Variants in SLC35F4 observed in about 807,000 individuals in gnomAD.
SLC35F4 encodes the protein chromosome 14 open reading frame 36.
SLC35F4 carries 24 observed loss-of-function variants against 44.2 expected under a neutral mutation model. That is an observed-to-expected ratio of 0.54 (90% CI 0.39 to 0.76). The LOEUF is 0.76. SLC35F4 is among the 30% of genes least tolerant of loss of function. SLC35F4 has a pLI of 0.00. For synonymous variants in SLC35F4, 238 were observed against 223.6 expected, an observed-to-expected ratio of 1.06 and a Z score of -0.57; for missense variants, 562 against 586.1, an observed-to-expected ratio of 0.96 and a Z score of 0.42.
In SLC35F4 at chr14:57,589,203, A is replaced by T. The variant is rs769237171; in HGVS notation, c.587+13T>A. Reference sequence around the variant, plus strand: ...TCAATGATCTCTTATTGGGCAGTTAACATGAAACCTACCTGAATTTTTTCA... The same window carrying T: ...TCAATGATCTCTTATTGGGCAGTTATCATGAAACCTACCTGAATTTTTTCA... On this transcript the variant is annotated intron_variant, in intron 3 of 7. Transcript: ENST00000556826. The T allele has an allele frequency of 6.3e-7, 1 of 1,591,440 alleles. No individual in the cohort carries two copies. The highest frequency in any genetic ancestry group is 8.5e-7 in the Non-Finnish European group (1 of 1,169,958).
intron 1 of SLC35F4, among the ~76,000 whole-genome samples, chr14:57,814,444 C>T (rs1238975547): frequency 6.6e-6 from 1 of 152,206 alleles, no homozygotes; most frequent in African/African-American, 2.4e-5. Flanking sequence ...TCAAGACTCT[C>T]TCTTAACATA....
At position 57,955,975 on chromosome 14, in the gene SLC35F4, A is replaced by C. The variant is rs573695026; in HGVS notation, n.282+25938T>G. On this transcript the variant is annotated intron_variant and non_coding_transcript_variant, in intron 1 of 1. Transcript: ENST00000556568. ...TCTATGGAACCAAAAAAGAGCCTGT[A>C]TAGCCAAGAAAATCCTAAGAAAAAA... Among the ~76,000 whole-genome samples the C allele has an allele frequency of 1.3e-4, 20 of 152,362 alleles. No homozygotes were observed. In the East Asian group the frequency reaches 3.9e-3, roughly 29 times the overall value.
At position 57,978,096 on chromosome 14, in the gene SLC35F4, A is replaced by C. The variant is rs911624069; in HGVS notation, n.152-1139T>G. On this transcript the variant is annotated intron_variant and non_coding_transcript_variant, in intron 1 of 1. Transcript: ENST00000554648. ...GCATTCATGCCCATCAGTGGGCGCCATTCTGAGGAGACATGCTCTTTGCTG... is the reference window on the plus strand; with the variant it reads ...GCATTCATGCCCATCAGTGGGCGCCCTTCTGAGGAGACATGCTCTTTGCTG... Among the ~76,000 whole-genome samples the C allele has an allele frequency of 7.9e-5, 12 of 152,318 alleles. No individual in the cohort carries two copies. In the South Asian group the frequency reaches 2.1e-3, roughly 26 times the overall value.
At chr14:57,633,956 G>GA (rs2072907960) in intron 1 of SLC35F4, among the ~76,000 whole-genome samples, 1 of 152,072 alleles carries the variant, frequency 6.6e-6, no homozygotes, top group Non-Finnish European at 1.5e-5. Flanking sequence ...CCACATATGA[G>GA]AATGAGAAAG....
chr14:57,579,877 G>A (rs1594925406), intron 4 of SLC35F4, among the ~76,000 whole-genome samples: 1 of 151,996 alleles, frequency 6.6e-6, no homozygotes, highest in East Asian at 1.9e-4. Context: ...ATTTTGCACT[G>A]GGCCCCATGG....
At chr14:57,690,726 C>A (rs2075206168) in intron 1 of SLC35F4, among the ~76,000 whole-genome samples, 1 of 151,824 alleles carries the variant, frequency 6.6e-6, no homozygotes, top group African/African-American at 2.4e-5. Context: ...TAATGGGAGA[C>A]ACTGACAGAT....
intron 1 of SLC35F4, among the ~76,000 whole-genome samples, chr14:57,971,731 G>C (rs1594662714): frequency 6.6e-6 from 1 of 152,184 alleles, no homozygotes; most frequent in Admixed American, 6.5e-5. Context: ...GGTTGCCAGG[G>C]CTAAGGGGTG....
chr14:57,968,060 G>T (rs1208265798), intron 1 of SLC35F4, among the ~76,000 whole-genome samples: 1 of 152,058 alleles, frequency 6.6e-6, no homozygotes, highest in African/African-American at 2.4e-5. Flanking sequence ...ATGAATACTT[G>T]TTAAAAATTA....
chr14:57,879,814 C>A (rs1028175723), intron 1 of SLC35F4, among the ~76,000 whole-genome samples: 1 of 152,028 alleles, frequency 6.6e-6, no homozygotes, highest in Admixed American at 6.6e-5. Flanking sequence ...TCCTACTGGA[C>A]AGTAAGCCTT....
chr14:57,971,631 A>C (rs2141094870), intron 1 of SLC35F4, among the ~76,000 whole-genome samples: 1 of 152,346 alleles, frequency 6.6e-6, no homozygotes, highest in Non-Finnish European at 1.5e-5. Flanking sequence ...AAAATAATCT[A>C]GACACAGAAA....
rs1409524376 is a variant in SLC35F4 at position 57,715,801 on chromosome 14, C to T, written c.104-121677G>A. On this transcript the variant is annotated intron_variant, in intron 1 of 7. Coordinates refer to ENST00000556826, the MANE Select transcript of SLC35F4 (RefSeq NM_001306087.2). Reference sequence around the variant, plus strand: ...TATTTCAGACAATAGGAGAGTTAAACTAGAAGAGGAGAGACAAAAGTGAAA... The same window carrying T: ...TATTTCAGACAATAGGAGAGTTAAATTAGAAGAGGAGAGACAAAAGTGAAA... 4.6e-5 allele frequency among the ~76,000 whole-genome samples: 7 copies of T among 152,062 alleles called. No individual in the cohort carries two copies. In the East Asian group the frequency reaches 1.4e-3, roughly 29 times the overall value.
At chr14:57,814,893 C>T (rs1293700994) in intron 1 of SLC35F4, among the ~76,000 whole-genome samples, 1 of 152,118 alleles carries the variant, frequency 6.6e-6, no homozygotes, top group Non-Finnish European at 1.5e-5. Flanking sequence ...AAAAAATAAA[C>T]GTCATTTAGG....
chr14:57,612,930 T>C (rs192717492), intron 1 of SLC35F4, among the ~76,000 whole-genome samples: 168 of 152,324 alleles, frequency 1.1e-3, no homozygotes, highest in Non-Finnish European at 2.2e-3. Flanking sequence ...GGAAAGTCAA[T>C]AAACTCCAGA....
intron 1 of SLC35F4, among the ~76,000 whole-genome samples, chr14:57,798,121 CAAAAAAAA>C (rs60685029): frequency 4.8e-5 from 2 of 42,068 alleles, no homozygotes; most frequent in African/African-American, 7.7e-5. Flanking sequence ...GACCCACGAG[CAAAAAAAA>C]AAAAAAAAAA....
At chr14:57,603,288 AC>A (rs1279208490) in intron 1 of SLC35F4, among the ~76,000 whole-genome samples, 1 of 152,262 alleles carries the variant, frequency 6.6e-6, no homozygotes, top group Non-Finnish European at 1.5e-5. Context: ...AAAAGAACAA[AC>A]AATTTTTTTA....
At chr14:57,698,902 A>C (rs2075457597) in intron 1 of SLC35F4, among the ~76,000 whole-genome samples, 1 of 152,312 alleles carries the variant, frequency 6.6e-6, no homozygotes, top group Admixed American at 6.5e-5. Flanking sequence ...CTGGTATTAC[A>C]GGTGTGAGAC....
chr14:57,585,931 C>A (rs1395158763), intron 3 of SLC35F4, among the ~76,000 whole-genome samples: 2 of 152,158 alleles, frequency 1.3e-5, no homozygotes, highest in African/African-American at 4.8e-5. Context: ...ATGCTCTTCC[C>A]ATCAAGCTAT....
intron 4 of SLC35F4, chr14:57,578,837 A>C (rs2069011455): frequency 6.6e-6 from 1 of 152,268 alleles, no homozygotes; most frequent in South Asian, 2.1e-4. Context: ...TTAATTACAG[A>C]TGCTGTATTA....
intron 1 of SLC35F4, among the ~76,000 whole-genome samples, chr14:57,941,361 A>G (rs1419401493): frequency 6.6e-6 from 1 of 152,242 alleles, no homozygotes; most frequent in African/African-American, 2.4e-5. Flanking sequence ...ATAAAAAGGA[A>G]TGAAGTACTG....
Sources: gnomAD v4.1 joint callset for allele counts (sites outside exome capture counted in the v4.1 genomes callset) on GRCh38, gnomAD v4.1.1 for gene constraint, MANE v1.5 for transcripts, NCBI Gene and HGNC (gene_info 2026-07-23, HGNC 2026-07-21) for gene names.